Variants in DNAAF4 observed in about 807,000 individuals in gnomAD.
DNAAF4 encodes the protein dynein assembly factor 4, axonemal.
A neutral mutation model predicts 51.8 loss-of-function variants in DNAAF4; 43 were observed. That is an observed-to-expected ratio of 0.83 (90% CI 0.65 to 1.07). The LOEUF is 1.07. Ranked by LOEUF, DNAAF4 falls within the 50% of genes least tolerant of loss-of-function variation. DNAAF4 has a pLI of 0.00. For synonymous variants in DNAAF4, 194 were observed against 165.6 expected (o/e 1.17, Z -1.32); for missense variants, 581 against 493.0 (o/e 1.18, Z -1.69).
intron 8 of DNAAF4, 26 bp downstream of exon 8, chr15:55,434,879 C>T: frequency 6.5e-7 from 1 of 1,546,810 alleles, no homozygotes; most frequent in Non-Finnish European, 8.7e-7. Flanking sequence ...TTTAAAGCAC[C>T]ATATATCATA....
At chr15:55,500,860 C>T (rs1187926791) in intron 1 of DNAAF4, among the ~76,000 whole-genome samples, 1 of 151,434 alleles carries the variant, frequency 6.6e-6, no homozygotes, top group Non-Finnish European at 1.5e-5. Context: ...GGCATGGTGG[C>T]ACATGTCTGT....
intron 5 of DNAAF4, among the ~76,000 whole-genome samples, chr15:55,463,058 C>G (rs558315278): frequency 6.6e-6 from 1 of 152,172 alleles, no homozygotes; most frequent in African/African-American, 2.4e-5. Context: ...CCTGTAATCC[C>G]AGATACTGGG....
chr15:55,495,675 C>T (rs1256216690), intron 3 of DNAAF4, among the ~76,000 whole-genome samples: 1 of 152,076 alleles, frequency 6.6e-6, no homozygotes, highest in Admixed American at 6.6e-5. Context: ...TTTGAGGTTA[C>T]AATGAGCTAT....
chr15:55,506,897 C>T (rs1026875034), intron 1 of DNAAF4, among the ~76,000 whole-genome samples: 2 of 152,094 alleles, frequency 1.3e-5, no homozygotes, highest in African/African-American at 4.8e-5. Flanking sequence ...GTCACCCAGG[C>T]TGGAGTGCAA....
intron 5 of DNAAF4, among the ~76,000 whole-genome samples, 183 bp from the exon 6 acceptor site, chr15:55,450,550 C>T (rs555117144): frequency 6.6e-6 from 1 of 152,274 alleles, no homozygotes; most frequent in South Asian, 2.1e-4. Flanking sequence ...GACCTACCTG[C>T]TCTTTATCAA....
At chr15:55,487,232 G>T (rs1014916302) in intron 4 of DNAAF4, among the ~76,000 whole-genome samples, 2 of 152,166 alleles carry the variant, frequency 1.3e-5, no homozygotes, top group Non-Finnish European at 2.9e-5. Flanking sequence ...CTAAAGGATT[G>T]TAAACATACC....
chr15:55,418,721 CAGTGA>C, intron 7 of DNAAF4: 3 of 555,786 alleles, frequency 5.4e-6, no homozygotes, highest in South Asian at 6.4e-5. Context: ...AACTACATGA[CAGTGA>C]CTTTTTAAAT....
chr15:55,465,345 T>A (rs2141500864), intron 5 of DNAAF4, among the ~76,000 whole-genome samples: 1 of 151,498 alleles, frequency 6.6e-6, no homozygotes, highest in East Asian at 1.9e-4. Flanking sequence ...AGAACTAGCC[T>A]AAATGCCTAT....
chr15:55,421,355 T>C (rs1230458413), intron 7 of DNAAF4, among the ~76,000 whole-genome samples: 1 of 151,772 alleles, frequency 6.6e-6, no homozygotes, highest in East Asian at 1.9e-4. Context: ...ACAAAATGCT[T>C]AGCCAGGCAT....
chr15:55,446,194 G>A (rs1175510954), intron 6 of DNAAF4, among the ~76,000 whole-genome samples: 4 of 144,156 alleles, frequency 2.8e-5, no homozygotes, highest in African/African-American at 1.0e-4. Flanking sequence ...GGGTGGCCGG[G>A]CAGAGGCGCT....
intron 6 of DNAAF4, among the ~76,000 whole-genome samples, chr15:55,448,312 C>T (rs193034669): frequency 1.3e-5 from 2 of 152,070 alleles, no homozygotes; most frequent in African/African-American, 4.8e-5. Context: ...ATTCGGTTTG[C>T]CAGCATTTTA....
intron 6 of DNAAF4, 87 bp from the exon 7 acceptor site, chr15:55,439,668 G>A (rs1045268285): frequency 6.8e-6 from 8 of 1,175,200 alleles, no homozygotes; most frequent in Non-Finnish European, 9.7e-6. Context: ...TCCTCCAGTG[G>A]ATTGAAATAT....
chr15:55,489,818 C>A (rs561271289), intron 4 of DNAAF4, among the ~76,000 whole-genome samples: 2 of 151,086 alleles, frequency 1.3e-5, no homozygotes, highest in African/African-American at 4.9e-5. Context: ...TTAAATAATG[C>A]GTATTATAGA....
chr15:55,501,304 C>T (rs543250449), intron 1 of DNAAF4, among the ~76,000 whole-genome samples: 24 of 148,648 alleles, frequency 1.6e-4, no homozygotes, highest in Non-Finnish European at 3.4e-4. Flanking sequence ...CCTCATGATC[C>T]GCCCACCTCG....
intron 4 of DNAAF4, among the ~76,000 whole-genome samples, chr15:55,490,736 G>A (rs975587566): frequency 1.3e-5 from 2 of 152,068 alleles, no homozygotes; most frequent in Non-Finnish European, 2.9e-5. Flanking sequence ...GGCAGATCAC[G>A]AGGTCAGGAG....
intron 5 of DNAAF4, among the ~76,000 whole-genome samples, chr15:55,462,400 C>A (rs937914201): frequency 1.3e-5 from 2 of 152,072 alleles, no homozygotes; most frequent in Non-Finnish European, 2.9e-5. Context: ...CCACGTTGGG[C>A]AGGCTGGTCT....
At chr15:55,481,690 C>T (rs1056638064) in intron 4 of DNAAF4, among the ~76,000 whole-genome samples, 7 of 152,130 alleles carry the variant, frequency 4.6e-5, no homozygotes, top group Non-Finnish European at 1.5e-5. Context: ...CTCTGCCTCC[C>T]ATAAAGATTT....
At position 55,418,151 on chromosome 15, in the gene DNAAF4, G is replaced by A. The variant is rs73406983; in HGVS notation, c.1048-18C>T. 4.7e-3 allele frequency: 7,380 copies of A among 1,570,092 alleles called. 227 individuals carry two copies. The African/African-American group carries it at 0.071, about 15-fold the overall frequency. On this transcript the variant is annotated intron_variant, in intron 7 of 7. Coordinates refer to the DNAAF4 transcript ENST00000448430. ...CAGAATTCCTGAAAAAGGGAAGTGGGTGGGACTGAATTAAATTTTTTTTTT... is the reference window on the plus strand; with the variant it reads ...CAGAATTCCTGAAAAAGGGAAGTGGATGGGACTGAATTAAATTTTTTTTTT...
intron 4 of DNAAF4, among the ~76,000 whole-genome samples, chr15:55,471,362 G>A (rs1167015534): frequency 6.6e-6 from 1 of 152,014 alleles, no homozygotes; most frequent in Non-Finnish European, 1.5e-5. Flanking sequence ...TCAGGAACCT[G>A]GGTCAAAATC....
Sources: allele counts gnomAD v4.1 joint callset (sites outside exome capture counted in the v4.1 genomes callset), GRCh38; gene constraint gnomAD v4.1.1; transcripts MANE v1.5; gene names NCBI Gene and HGNC (gene_info 2026-07-23, HGNC 2026-07-21).